The following GPHN variants were observed in gnomAD, a reference collection of about 807,000 sequenced individuals.
The protein encoded by GPHN is gephyrin.
Under a neutral mutation model 95.5 loss-of-function variants are expected in GPHN, and 17 were observed. The ratio of observed to expected loss-of-function variants is 0.18; its 90% CI spans 0.12 to 0.27. The LOEUF (loss-of-function observed/expected upper bound fraction) is 0.27, where lower values mean the gene tolerates loss of function less well. GPHN is among the 10% of genes least tolerant of loss of function. The pLI is 1.00. For missense variants in GPHN, 660 were observed against 978.1 expected, an observed-to-expected ratio of 0.67 and a Z score of 4.34; for synonymous variants, 320 against 322.5, an observed-to-expected ratio of 0.99 and a Z score of 0.08.
intron 10 of GPHN, among the ~76,000 whole-genome samples, chr14:67,054,116 A>G (rs2075439016): frequency 6.6e-6 from 1 of 152,226 alleles, no homozygotes; most frequent in African/African-American, 2.4e-5. Context: ...GGCCAGGGCA[A>G]TCAGGCAAGA....
chr14:67,577,419 A>G, the GPHN span: 2 of 1,554,740 alleles, frequency 1.3e-6, no homozygotes, highest in African/African-American at 1.4e-5. Context: ...TTCAAGGTAA[A>G]TTGGGGTGGC....
intron 2 of GPHN, among the ~76,000 whole-genome samples, chr14:66,689,219 A>G (rs1278486808): frequency 6.6e-6 from 1 of 152,144 alleles, no homozygotes; most frequent in African/African-American, 2.4e-5. Flanking sequence ...TTCCTTCTGT[A>G]TCTAACTTGG....
chr14:67,607,581 G>A, the GPHN span, among the ~76,000 whole-genome samples: 22 of 152,044 alleles, frequency 1.4e-4, no homozygotes, highest in South Asian at 4.4e-3. Flanking sequence ...TGGCCAGGAT[G>A]GTCTTGATCT....
the GPHN span, among the ~76,000 whole-genome samples, chr14:67,464,567 G>C: frequency 1.3e-5 from 2 of 151,820 alleles, no homozygotes; most frequent in African/African-American, 4.8e-5. Context: ...CAAACTCTTC[G>C]AGCTCATTCG....
At chr14:67,280,826 T>TCCTTCCTTCCTTC in the GPHN span, among the ~76,000 whole-genome samples, 6 of 129,692 alleles carry the variant, frequency 4.6e-5, no homozygotes, top group African/African-American at 2.0e-4. Flanking sequence ...CTTCCTTCCT[T>TCCTTCCTTCCTTC]CCTTCCTTCC....
At chr14:66,948,291 G>T (rs1252578133) in intron 8 of GPHN, among the ~76,000 whole-genome samples, 1 of 151,468 alleles carries the variant, frequency 6.6e-6, no homozygotes, top group East Asian at 1.9e-4. Context: ...AATATTCCTT[G>T]TAAAAAAAAA....
chr14:67,463,113 TGGCAATGCCCAGA>T, the GPHN span, among the ~76,000 whole-genome samples: 1 of 152,192 alleles, frequency 6.6e-6, no homozygotes, highest in South Asian at 2.1e-4. Flanking sequence ...AAAATCCCTG[TGGCAATGCCCAGA>T]GGCAATGCCC....
chr14:67,120,810 G>GA (rs1190423510), intron 16 of GPHN, among the ~76,000 whole-genome samples: 2 of 152,326 alleles, frequency 1.3e-5, no homozygotes, highest in East Asian at 3.9e-4. Flanking sequence ...GAGTAAGAAT[G>GA]AAAGTGGGTT....
At chr14:66,792,540 G>A (rs1480201675) in intron 3 of GPHN, among the ~76,000 whole-genome samples, 1 of 149,284 alleles carries the variant, frequency 6.7e-6, no homozygotes, top group Non-Finnish European at 1.5e-5. Flanking sequence ...AAAAAATGAA[G>A]ATGAAATAAA....
the GPHN span, chr14:67,592,683 T>G: frequency 1.2e-6 from 2 of 1,608,900 alleles, no homozygotes; most frequent in Non-Finnish European, 1.7e-6. Flanking sequence ...CCACTGGATC[T>G]TTCAATAAGA....
chr14:67,416,189 A>G, the GPHN span, among the ~76,000 whole-genome samples: 3 of 152,234 alleles, frequency 2.0e-5, no homozygotes, highest in Admixed American at 6.5e-5. Context: ...TTTATTTTTT[A>G]TCAGCCCACA....
the GPHN span, among the ~76,000 whole-genome samples, chr14:67,389,349 A>G: frequency 2.0e-5 from 3 of 152,136 alleles, no homozygotes; most frequent in Non-Finnish European, 4.4e-5. Context: ...CCTGTCCTGG[A>G]TAGGAGAGTA....
the GPHN span, among the ~76,000 whole-genome samples, chr14:67,359,054 G>T: frequency 6.6e-6 from 1 of 152,122 alleles, no homozygotes; most frequent in South Asian, 2.1e-4. Context: ...AAGGTGCAGC[G>T]GTGAGAGAGC....
chr14:66,989,799 A>C (rs1175411003), intron 9 of GPHN, among the ~76,000 whole-genome samples: 1 of 152,146 alleles, frequency 6.6e-6, no homozygotes, highest in Non-Finnish European at 1.5e-5. Flanking sequence ...GTATACCTTA[A>C]AGTGCCTTGA....
chr14:67,426,771 C>T, the GPHN span, among the ~76,000 whole-genome samples: 1 of 152,178 alleles, frequency 6.6e-6, no homozygotes, highest in Non-Finnish European at 1.5e-5. Flanking sequence ...GACGGGGTTT[C>T]TCCATGTTGG....
chr14:67,168,789 G>A, intron 20 of GPHN, 144 bp from the exon 21 acceptor site: 1 of 692,932 alleles, frequency 1.4e-6, no homozygotes, highest in Non-Finnish European at 2.6e-6. Context: ...CCTCTGTTCT[G>A]GTTGGATTCA....
the GPHN span, chr14:67,735,198 C>T: frequency 3.5e-6 from 5 of 1,434,044 alleles, no homozygotes; most frequent in African/African-American, 5.6e-5. Context: ...TGTTCAGATT[C>T]CAGACTCCAT....
At chr14:67,584,854 T>C in the GPHN span, among the ~76,000 whole-genome samples, 1 of 152,326 alleles carries the variant, frequency 6.6e-6, no homozygotes, top group South Asian at 2.1e-4. Flanking sequence ...TTATAAGCCA[T>C]CACAAATGCT....
At chr14:67,130,413 T>G (rs1037630637) in intron 17 of GPHN, among the ~76,000 whole-genome samples, 2 of 152,208 alleles carry the variant, frequency 1.3e-5, no homozygotes, top group Non-Finnish European at 2.9e-5. Context: ...GATAATGGCC[T>G]CCAGCTGCAT....
Sources: gnomAD v4.1 joint callset for allele counts (sites outside exome capture counted in the v4.1 genomes callset) on GRCh38, gnomAD v4.1.1 for gene constraint, MANE v1.5 for transcripts, NCBI Gene and HGNC (gene_info 2026-07-23, HGNC 2026-07-21) for gene names.